LEPR: variants seen among roughly 807,000 people sequenced by gnomAD.
LEPR encodes the protein OB receptor.
In LEPR, 56 loss-of-function variants were observed where a neutral mutation model predicts 114.7. The ratio of observed to expected loss-of-function variants is 0.49; its 90% CI spans 0.39 to 0.61. The LOEUF (loss-of-function observed/expected upper bound fraction) is 0.61. LEPR is among the 20% of genes least tolerant of loss of function. The probability of loss-of-function intolerance (pLI) is 0.00; values close to 1 mark genes in which losing one functional copy is unlikely to be tolerated. For synonymous variants in LEPR, 443 were observed against 461.4 expected (o/e 0.96, Z 0.51); for missense variants, 1,202 against 1,352.9 (o/e 0.89, Z 1.75).
intron 2 of LEPR, among the ~76,000 whole-genome samples, chr1:65,438,516 C>T (rs1646597509): frequency 7.2e-6 from 1 of 138,826 alleles, no homozygotes; most frequent in African/African-American, 2.7e-5. Context: ...CACCACTGCA[C>T]TCCAACCTGG....
chr1:65,437,028 A>G (rs1211199042), intron 2 of LEPR, among the ~76,000 whole-genome samples: 4 of 152,216 alleles, frequency 2.6e-5, no homozygotes, highest in Non-Finnish European at 5.9e-5. Context: ...TGACAAACCC[A>G]GAATTCTCCA....
At chr1:65,635,828 TAA>T (rs765031514) in intron 19 of LEPR, among the ~76,000 whole-genome samples, 39 of 152,300 alleles carry the variant, frequency 2.6e-4, no homozygotes, top group Non-Finnish European at 4.4e-4. Context: ...CCAATGACAG[TAA>T]CCAATCTTTC....
intron 2 of LEPR, among the ~76,000 whole-genome samples, chr1:65,456,118 G>T (rs1027318027): frequency 3.9e-5 from 6 of 152,128 alleles, no homozygotes; most frequent in Non-Finnish European, 8.8e-5. Flanking sequence ...CCCGAGTGAG[G>T]CAATGCCTCG....
intron 6 of LEPR, among the ~76,000 whole-genome samples, chr1:65,593,108 T>C (rs1160329556): frequency 1.3e-5 from 2 of 152,220 alleles, no homozygotes; most frequent in East Asian, 3.9e-4. Flanking sequence ...TGGATCTATG[T>C]AATGGATGTA....
rs1037904124 is a variant in LEPR, at chr1:65,544,702, G to T, written c.-20-20844G>T. Among the ~76,000 whole-genome samples the T allele has an allele frequency of 7.4e-5, 11 of 149,138 alleles. No individual in the cohort carries two copies. The East Asian group carries it at 9.9e-4, about 13-fold the overall frequency. ...CTGCATCTATTGAGACAATCATGCG[G>T]TTTTTTTTTGCATATAAATATAATA... On this transcript the variant is annotated intron_variant, in intron 2 of 19. Coordinates refer to ENST00000349533, the MANE Select transcript of LEPR (RefSeq NM_002303.6).
rs564650668 is a variant in LEPR at position 65,445,637 on chromosome 1, GT to G, written c.-21+20271del. Among the ~76,000 whole-genome samples, 507 of 146,358 alleles carry G rather than the reference GT, an allele frequency of 3.5e-3. 1 individual carries two copies. The highest frequency in any genetic ancestry group is 0.011 in the African/African-American group (427 of 40,116). On this transcript the variant is annotated intron_variant, in intron 2 of 19. Transcript: ENST00000349533. The stretch of plus-strand genomic sequence containing the variant: ...TTGGTGATTACTTTAACTGAATAGA[GT>G]TTTTTTTTTTTAAACAGCAAATCTT...
intron 6 of LEPR, among the ~76,000 whole-genome samples, chr1:65,594,072 C>T (rs1655882865): frequency 6.6e-6 from 1 of 151,448 alleles, no homozygotes; most frequent in African/African-American, 2.4e-5. Context: ...TTATAATATC[C>T]CCAAATTATA....
intron 16 of LEPR, among the ~76,000 whole-genome samples, chr1:65,619,672 T>C (rs1657756823): frequency 6.6e-6 from 1 of 152,174 alleles, no homozygotes; most frequent in Non-Finnish European, 1.5e-5. Context: ...CACTGGAACA[T>C]GCCTTTGAAA....
At chr1:65,528,970 ATTTTT>A (rs370963043) in intron 2 of LEPR, among the ~76,000 whole-genome samples, 47 of 142,654 alleles carry the variant, frequency 3.3e-4, no homozygotes, top group East Asian at 4.4e-4. Flanking sequence ...ACACCTGGCT[ATTTTT>A]TTTTTTTTTT....
At chr1:65,625,423 G>A (rs7542446) in intron 19 of LEPR, among the ~76,000 whole-genome samples, 66,086 of 151,980 alleles carry the variant, frequency 0.43, 15,112 homozygotes, top group East Asian at 0.87. Flanking sequence ...AAAACACTAT[G>A]TGCTCCTGAG....
chr1:65,572,534 C>A, intron 5 of LEPR, 85 bp downstream of exon 5: 1 of 1,292,946 alleles, frequency 7.7e-7, no homozygotes. Flanking sequence ...TTATAAACCT[C>A]TTGCATCCCT....
chr1:65,484,696 A>G (rs570704632), intron 2 of LEPR, among the ~76,000 whole-genome samples: 1 of 152,256 alleles, frequency 6.6e-6, no homozygotes, highest in African/African-American at 2.4e-5. Context: ...TTCAATAATA[A>G]CTCATGGGGA....
intron 2 of LEPR, among the ~76,000 whole-genome samples, chr1:65,523,593 G>T (rs1319724396): frequency 6.6e-6 from 1 of 152,188 alleles, no homozygotes; most frequent in African/African-American, 2.4e-5. Context: ...TTACAGGCAT[G>T]AGCCACCATG....
chr1:65,499,161 C>T (rs576090220), intron 2 of LEPR, among the ~76,000 whole-genome samples: 29 of 152,134 alleles, frequency 1.9e-4, no homozygotes, highest in African/African-American at 5.8e-4. Flanking sequence ...TCTCTGGTGC[C>T]AGCAGGAAAA....
rs1650769398 is a variant in LEPR, at chr1:65,536,254, C to G, written c.-20-29292C>G. On this transcript the variant is annotated intron_variant, in intron 2 of 19. Coordinates refer to ENST00000349533, the MANE Select transcript of LEPR (RefSeq NM_002303.6). Reference sequence around the variant, plus strand: ...AAAAAGAGCTTGGCTTGTCCCTCCTCTCTCTTGCTTCCATGCTGTCACTAT... The same window carrying G: ...AAAAAGAGCTTGGCTTGTCCCTCCTGTCTCTTGCTTCCATGCTGTCACTAT... 2.0e-5 allele frequency among the ~76,000 whole-genome samples: 3 copies of G among 152,116 alleles called. No individual in the cohort carries two copies. In the South Asian group the frequency reaches 6.2e-4, roughly 32 times the overall value.
rs189313216 is a variant in LEPR at position 65,578,079 on chromosome 1, T to C, written c.494+5630T>C. 1.2e-3 allele frequency among the ~76,000 whole-genome samples: 183 copies of C among 151,408 alleles called. 2 individuals are homozygous for C. The highest frequency in any genetic ancestry group is 2.1e-3 in the Non-Finnish European group (141 of 68,026). On this transcript the variant is annotated intron_variant, in intron 5 of 19. Transcript: ENST00000349533. ...AGTGTTTGTTTTTCGGTTCCTGTGT[T>C]AGTCTGCTGAGAATGATGGTTTTCA... is the stretch of plus-strand genomic sequence containing the variant.
At chr1:65,634,173 A>G (rs2101043238) in intron 19 of LEPR, 1 of 985,106 alleles carries the variant, frequency 1.0e-6, no homozygotes, top group South Asian at 4.7e-5. Flanking sequence ...AACCAAACCA[A>G]CGACTATGTT....
chr1:65,503,064 C>T (rs1408758162), intron 2 of LEPR, among the ~76,000 whole-genome samples: 1 of 152,020 alleles, frequency 6.6e-6, no homozygotes. Context: ...AAAGGCTACA[C>T]ACTGTATGAT....
intron 3 of LEPR, among the ~76,000 whole-genome samples, chr1:65,569,306 C>T (rs1332732992): frequency 1.3e-5 from 2 of 152,176 alleles, no homozygotes; most frequent in East Asian, 1.9e-4. Context: ...TCTCAGAATT[C>T]GTATTCTGCA....
Sources: allele counts gnomAD v4.1 joint callset (sites outside exome capture counted in the v4.1 genomes callset), GRCh38; gene constraint gnomAD v4.1.1; transcripts MANE v1.5; gene names NCBI Gene and HGNC (gene_info 2026-07-23, HGNC 2026-07-21).